CCDC83: variants seen among roughly 807,000 people sequenced by gnomAD.
The protein encoded by CCDC83 is coiled-coil domain-containing protein 83.
A neutral mutation model predicts 50.1 loss-of-function variants in CCDC83; 54 were observed. The observed-to-expected ratio is 1.08, with a 90% CI of 0.87 to 1.35. CCDC83 has a LOEUF of 1.35. Among genes scored for constraint, CCDC83 ranks in the 40% most tolerant of loss-of-function variants. The pLI is 0.00. For missense variants in CCDC83, 518 were observed against 473.9 expected, an observed-to-expected ratio of 1.09 and a Z score of -0.86; for synonymous variants, 161 against 153.3, an observed-to-expected ratio of 1.05 and a Z score of -0.37.
At chr11:85,882,472 A>C (rs893398810) in intron 3 of CCDC83, 41 bp from the exon 4 acceptor site, 1 of 1,601,320 alleles carries the variant, frequency 6.2e-7, no homozygotes, top group African/African-American at 1.3e-5. Context: ...CATAGTGTAC[A>C]TAGTTGATCA....
intron 6 of CCDC83, among the ~76,000 whole-genome samples, chr11:85,896,995 C>T (rs2093378866): frequency 6.6e-6 from 1 of 152,140 alleles, no homozygotes. Context: ...TACTAATTTA[C>T]ACAAATACAG....
intron 2 of CCDC83, among the ~76,000 whole-genome samples, chr11:85,871,899 A>G (rs1308939932): frequency 6.6e-6 from 1 of 152,206 alleles, no homozygotes; most frequent in Non-Finnish European, 1.5e-5. Context: ...ATTTAAAGTT[A>G]TAAGATTTAT....
rs1403703428 is a variant in CCDC83, at chr11:85,855,407, C to T, written c.-206C>T. Reference sequence around the variant, plus strand: ...TGTCCACGAAGCGCCGTTCTTGGGCCGTTAGGAGCTGCTGGGAAGGGCTCT... The same window carrying T: ...TGTCCACGAAGCGCCGTTCTTGGGCTGTTAGGAGCTGCTGGGAAGGGCTCT... On this transcript the variant is annotated 5_prime_UTR_variant, in exon 1 of 11. Transcript: ENST00000342404. 1 of 152,358 alleles carries T rather than the reference C, an allele frequency of 6.6e-6. No homozygotes were observed. The highest frequency in any genetic ancestry group is 2.4e-5 in the African/African-American group (1 of 41,466). 9.4% of individuals were successfully genotyped at this position (152,358 alleles called of 1,614,324 possible).
At chr11:85,891,929 C>G (rs1482334171) in intron 5 of CCDC83, among the ~76,000 whole-genome samples, 1 of 152,170 alleles carries the variant, frequency 6.6e-6, no homozygotes, top group South Asian at 2.1e-4. Context: ...AATAGTCCCC[C>G]TGAATCTGTG....
At chr11:85,885,000 C>G (rs1483949219) in intron 4 of CCDC83, among the ~76,000 whole-genome samples, 4 of 152,096 alleles carry the variant, frequency 2.6e-5, no homozygotes, top group African/African-American at 4.8e-5. Context: ...TGCCTGAGGT[C>G]AGGAGTTCGA....
rs374337671 is a variant in CCDC83, at chr11:85,895,398, T to C, written c.603+14T>C. 1 of 1,475,628 alleles carries C rather than the reference T, an allele frequency of 6.8e-7. No individual in the cohort carries two copies. The highest frequency in any genetic ancestry group is 9.3e-7 in the Non-Finnish European group (1 of 1,073,168). 91.4% of individuals were successfully genotyped at this position (1,475,628 alleles called of 1,614,324 possible). On this transcript the variant is annotated intron_variant, in intron 6 of 10. Transcript: ENST00000342404. Reference sequence around the variant, plus strand: ...TGGGCCACACAGGTATAATTCAATTTTCTTAAAAACAGAACAAAACAAACA... The same window carrying C: ...TGGGCCACACAGGTATAATTCAATTCTCTTAAAAACAGAACAAAACAAACA...
Position 85,919,807 on chromosome 11 carries a change from C to A in CCDC83, c.*297C>A. On this transcript the variant is annotated 3_prime_UTR_variant, in exon 11 of 11. Coordinates refer to ENST00000342404, the MANE Select transcript of CCDC83 (RefSeq NM_001286159.2). ...ACACACAAAAAATTCACTGATTAAT[C>A]TGTGATTCCAGTATGAAATAGTTCC... The A allele has an allele frequency of 3.5e-6, 1 of 283,966 alleles. No individual in the cohort carries two copies. The highest frequency in any genetic ancestry group is 5.5e-5 in the South Asian group (1 of 18,252). The allele number at this position is 283,966 out of a possible 1,614,324, so 17.6% of individuals were successfully genotyped here.
intron 7 of CCDC83, among the ~76,000 whole-genome samples, chr11:85,900,483 G>C (rs1207119395): frequency 2.0e-5 from 3 of 152,064 alleles, no homozygotes; most frequent in Non-Finnish European, 2.9e-5. Flanking sequence ...CACACCACCT[G>C]CCATACCACA....
At chr11:85,863,470 T>G (rs886396188) in intron 1 of CCDC83, among the ~76,000 whole-genome samples, 3 of 152,236 alleles carry the variant, frequency 2.0e-5, no homozygotes, top group African/African-American at 7.2e-5. Context: ...CTTTTTGTTG[T>G]GTCATCTGTG....
chr11:85,884,690 G>A (rs1462209471), intron 4 of CCDC83, among the ~76,000 whole-genome samples: 1 of 152,136 alleles, frequency 6.6e-6, no homozygotes, highest in African/African-American at 2.4e-5. Context: ...TGTGTTACTA[G>A]AAGGGAAGGG....
At chr11:85,898,708 A>G (rs1315878908) in intron 6 of CCDC83, among the ~76,000 whole-genome samples, 1 of 152,238 alleles carries the variant, frequency 6.6e-6, no homozygotes, top group African/African-American at 2.4e-5. Flanking sequence ...GGTGAATTGA[A>G]TGGTCAGTTA....
chr11:85,910,392 C>T (rs1376401846), intron 7 of CCDC83, among the ~76,000 whole-genome samples: 1 of 152,166 alleles, frequency 6.6e-6, no homozygotes, highest in East Asian at 1.9e-4. Flanking sequence ...AACGAATGGA[C>T]AAACAATATT....
intron 4 of CCDC83, among the ~76,000 whole-genome samples, chr11:85,885,421 G>GAACTCTCA (rs1402411097): frequency 3.9e-5 from 6 of 152,222 alleles, no homozygotes; most frequent in Admixed American, 2.0e-4. Context: ...TTCCTTCAAA[G>GAACTCTCA]AACTCTCAAA....
intron 4 of CCDC83, among the ~76,000 whole-genome samples, chr11:85,885,348 G>A (rs1263202797): frequency 2.6e-5 from 4 of 152,116 alleles, no homozygotes; most frequent in East Asian, 1.9e-4. Flanking sequence ...TTTATTGAGC[G>A]CCAACTAATT....
intron 5 of CCDC83, among the ~76,000 whole-genome samples, chr11:85,891,710 C>G (rs2093351187): frequency 2.0e-5 from 3 of 152,194 alleles, no homozygotes; most frequent in Admixed American, 2.0e-4. Context: ...CCTAGGTGAT[C>G]TCCAAGAGGA....
chr11:85,909,685 T>C lies in CCDC83; in HGVS notation c.673-1596T>C, dbSNP rs189495957. 8.3e-3 allele frequency among the ~76,000 whole-genome samples: 1,133 copies of C among 137,056 alleles called. 14 individuals are homozygous for C. The highest frequency in any genetic ancestry group is 0.027 in the African/African-American group (993 of 36,540). 89.9% of individuals were successfully genotyped at this position (137,056 alleles called of 152,430 possible). A position where few individuals can be genotyped will look rare whatever the true frequency, so the allele number is the denominator to read the frequency against. On this transcript the variant is annotated intron_variant, in intron 7 of 10. Transcript: ENST00000342404. ...TTGCCCAGGCTGGAGTGCAGTGGCGTGATCTCAGCTCACTGTGACCTCCAC... is the reference window on the plus strand; with the variant it reads ...TTGCCCAGGCTGGAGTGCAGTGGCGCGATCTCAGCTCACTGTGACCTCCAC...
intron 8 of CCDC83, among the ~76,000 whole-genome samples, chr11:85,911,815 G>T (rs2093455970): frequency 6.6e-6 from 1 of 152,144 alleles, no homozygotes; most frequent in African/African-American, 2.4e-5. Context: ...GGCTCCTGTG[G>T]ATTGTAGAAT....
intron 5 of CCDC83, among the ~76,000 whole-genome samples, chr11:85,892,300 C>T (rs1410979928): frequency 6.6e-6 from 1 of 152,150 alleles, no homozygotes; most frequent in African/African-American, 2.4e-5. Flanking sequence ...TGCAGTGTTT[C>T]GAGCTTTTAC....
intron 2 of CCDC83, among the ~76,000 whole-genome samples, chr11:85,872,973 A>C (rs1488825122): frequency 6.6e-6 from 1 of 151,364 alleles, no homozygotes; most frequent in Non-Finnish European, 1.5e-5. Flanking sequence ...AATTATGACT[A>C]TAAAACATGA....
Sources: gnomAD v4.1 joint callset for allele counts (sites outside exome capture counted in the v4.1 genomes callset) on GRCh38, gnomAD v4.1.1 for gene constraint, MANE v1.5 for transcripts, NCBI Gene and HGNC (gene_info 2026-07-23, HGNC 2026-07-21) for gene names.